The following ABCA13 variants were observed in gnomAD, a reference collection of about 807,000 sequenced individuals.
ABCA13 encodes ATP binding cassette subfamily A member 13, also known as ATP-binding cassette sub-family A member 13.
ABCA13 carries 476 observed loss-of-function variants against 478.7 expected under a neutral mutation model. The observed-to-expected ratio is 0.99, with a 90% CI of 0.92 to 1.07. ABCA13 has a LOEUF of 1.07. ABCA13 is among the 50% of genes least tolerant of loss of function. The pLI is 0.00. For missense variants in ABCA13, 6,060 were observed against 5,910.6 expected, an observed-to-expected ratio of 1.03 and a Z score of -0.83; for synonymous variants, 2,252 against 2,158.9, an observed-to-expected ratio of 1.04 and a Z score of -1.20.
chr7:48,314,091 C>T, intron 25 of ABCA13, 141 bp from the exon 26 acceptor site: 1 of 1,017,704 alleles, frequency 9.8e-7, no homozygotes, highest in Non-Finnish European at 1.4e-6. Context: ...GGACAGAAAA[C>T]TCTAAAGCAG....
intron 1 of ABCA13, among the ~76,000 whole-genome samples, chr7:48,173,820 G>A (rs148427735): frequency 0.071 from 10,802 of 152,240 alleles, 466 homozygotes; most frequent in East Asian, 0.15. Flanking sequence ...AAATGAGTTT[G>A]TACATGTAAT....
rs1047173198 is a variant in ABCA13 at position 48,367,658 on chromosome 7, C to G, written c.10689-136C>G. On this transcript the variant is annotated intron_variant, in intron 31 of 61. Coordinates refer to ENST00000435803, the MANE Select transcript of ABCA13 (RefSeq NM_152701.5). ...AGCACACCAATCATGGCCCTCCTAC[C>G]TAAGTCACAGGCATGTAGAAATGAC... is the stretch of plus-strand genomic sequence containing the variant. 5.9e-6 allele frequency: 4 copies of G among 675,766 alleles called. No homozygotes were observed. The Admixed American group carries it at 8.6e-5, about 15-fold the overall frequency. 41.9% of individuals were successfully genotyped at this position (675,766 alleles called of 1,614,324 possible).
At position 48,506,330 on chromosome 7, in the gene ABCA13, T is replaced by A; in HGVS notation, c.13292-6T>A. Reference sequence around the variant, plus strand: ...GAAGGCTCACTTTTCAATTTGTCTTTCACAGGAATAACACTCTACAGCCAC... The same window carrying A: ...GAAGGCTCACTTTTCAATTTGTCTTACACAGGAATAACACTCTACAGCCAC... On this transcript the variant is annotated splice_region_variant and splice_polypyrimidine_tract_variant and intron_variant, in intron 48 of 61. Transcript: ENST00000435803. 6.2e-7 allele frequency: 1 copy of A among 1,613,700 alleles called. No individual in the cohort carries two copies.
chr7:48,357,861 C>T (rs1432651339), intron 31 of ABCA13, among the ~76,000 whole-genome samples: 3 of 151,846 alleles, frequency 2.0e-5, no homozygotes, highest in Non-Finnish European at 2.9e-5. Flanking sequence ...GGTATGTTTT[C>T]GGCCGGGTGT....
chr7:48,407,557 T>G (rs1818426068), intron 39 of ABCA13, among the ~76,000 whole-genome samples: 1 of 149,704 alleles, frequency 6.7e-6, no homozygotes, highest in East Asian at 2.0e-4. Flanking sequence ...AATAATAGAG[T>G]ATAACAACTT....
At chr7:48,346,218 A>G (rs1808076315) in intron 29 of ABCA13, among the ~76,000 whole-genome samples, 1 of 152,134 alleles carries the variant, frequency 6.6e-6, no homozygotes, top group Non-Finnish European at 1.5e-5. Context: ...TGTAAGATGT[A>G]CCTATGTCTC....
intron 3 of ABCA13, among the ~76,000 whole-genome samples, chr7:48,210,368 C>A (rs1313354558): frequency 3.3e-5 from 5 of 152,104 alleles, no homozygotes; most frequent in Non-Finnish European, 5.9e-5. Flanking sequence ...GATTACAATT[C>A]AAGATGAGAT....
intron 55 of ABCA13, among the ~76,000 whole-genome samples, chr7:48,547,594 C>G (rs1006151125): frequency 2.0e-5 from 3 of 151,888 alleles, no homozygotes; most frequent in Non-Finnish European, 4.4e-5. Flanking sequence ...TAATTTCACA[C>G]TGAAGATGCT....
chr7:48,341,010 G>A (rs77486700), intron 29 of ABCA13, among the ~76,000 whole-genome samples: 1,947 of 152,254 alleles, frequency 0.013, 28 homozygotes, highest in Non-Finnish European at 0.017. Context: ...TCTGAAAGAT[G>A]CAGATTTAGT....
chr7:48,314,639 A>G (rs1399457558), intron 26 of ABCA13, among the ~76,000 whole-genome samples: 1 of 152,162 alleles, frequency 6.6e-6, no homozygotes, highest in Non-Finnish European at 1.5e-5. Context: ...TGTGTCACCA[A>G]GGAAATGTCT....
chr7:48,325,890 T>C (rs1804251001), intron 27 of ABCA13, among the ~76,000 whole-genome samples: 1 of 152,192 alleles, frequency 6.6e-6, no homozygotes, highest in African/African-American at 2.4e-5. Flanking sequence ...TGGCCCTTAG[T>C]ATGGCAGAGA....
intron 48 of ABCA13, among the ~76,000 whole-genome samples, chr7:48,499,645 G>A (rs899599996): frequency 9.9e-5 from 15 of 152,008 alleles, no homozygotes; most frequent in Non-Finnish European, 1.3e-4. Flanking sequence ...AAGAAAAGCC[G>A]GAATATAAAT....
chr7:48,370,290 T>A (rs915456283), intron 32 of ABCA13, among the ~76,000 whole-genome samples: 1 of 152,178 alleles, frequency 6.6e-6, no homozygotes, highest in Admixed American at 6.6e-5. Context: ...AGGAGCTTTT[T>A]GGATGAGTCT....
At position 48,278,852 on chromosome 7, in the gene ABCA13, A is replaced by C. The variant is rs1256249490; in HGVS notation, c.7658A>C (p.Lys2553Thr). ...ATCTCCAATACCAAGGACAGTGTGAAATTCTTTGACACTCTGTATTCCATC... is the reference window on the plus strand; with the variant it reads ...ATCTCCAATACCAAGGACAGTGTGACATTCTTTGACACTCTGTATTCCATC... ...HFISNTKDSVKFFDTLYSIMQ... is the reference protein window; with the variant it reads ...HFISNTKDSVTFFDTLYSIMQ... The change falls in exon 18 of 62, where the codon AAA (lysine) becomes ACA (threonine). Residue 2553 changes from lysine to threonine, a missense_variant. By Grantham distance (78) the Lys-to-Thr change is moderately conservative. Transcript: ENST00000435803. 6.2e-7 allele frequency: 1 copy of C among 1,613,608 alleles called. No homozygotes were observed. The highest frequency in any genetic ancestry group is 2.2e-5 in the East Asian group (1 of 44,878).
At chr7:48,390,229 T>C (rs1293845113) in intron 37 of ABCA13, among the ~76,000 whole-genome samples, 3 of 152,200 alleles carry the variant, frequency 2.0e-5, no homozygotes, top group Non-Finnish European at 2.9e-5. Context: ...TTGGAGTTTC[T>C]AGATGATTTA....
In ABCA13 at chr7:48,537,469, C is replaced by T. The variant is rs150863312; in HGVS notation, c.14354+9124C>T. On this transcript the variant is annotated intron_variant, in intron 55 of 61. Coordinates refer to ENST00000435803, the MANE Select transcript of ABCA13 (RefSeq NM_152701.5). ...TACTTCTATAGAAGGATGCATCTCA[C>T]GGATGGAGCAATGGCGAGAGCACAC... Among the ~76,000 whole-genome samples, 640 of 152,228 alleles carry T rather than the reference C, an allele frequency of 4.2e-3. 9 individuals are homozygous for T. The highest frequency in any genetic ancestry group is 0.014 in the African/African-American group (591 of 41,550).
intron 60 of ABCA13, among the ~76,000 whole-genome samples, chr7:48,644,040 A>C (rs920300859): frequency 6.6e-6 from 1 of 152,214 alleles, no homozygotes; most frequent in African/African-American, 2.4e-5. Context: ...TAGTCCATAA[A>C]GTAGTTATGT....
In ABCA13 at chr7:48,187,917, G is replaced by A. The variant is rs552922764; in HGVS notation, c.70-5042G>A. ...TTGTTTTCTTTTTCTTTTTCTGTTG[G>A]TTTATTTCCTTCCTAATGTTTAGAT... On this transcript the variant is annotated intron_variant, in intron 1 of 61. Transcript: ENST00000435803. Among the ~76,000 whole-genome samples the A allele has an allele frequency of 2.0e-5, 3 of 151,986 alleles. No individual in the cohort carries two copies. In the East Asian group the frequency reaches 5.8e-4, roughly 29 times the overall value.
At chr7:48,197,360 G>A (rs1317166629) in intron 2 of ABCA13, among the ~76,000 whole-genome samples, 2 of 152,202 alleles carry the variant, frequency 1.3e-5, no homozygotes, top group Non-Finnish European at 2.9e-5. Context: ...GCGCTGGACA[G>A]GCATCTCCAT....
Sources: gnomAD v4.1 joint callset for allele counts (sites outside exome capture counted in the v4.1 genomes callset) on GRCh38, gnomAD v4.1.1 for gene constraint, MANE v1.5 for transcripts, NCBI Gene and HGNC (gene_info 2026-07-23, HGNC 2026-07-21) for gene names.